The following ANAPC1 variants were observed in gnomAD, a reference collection of about 807,000 sequenced individuals.
ANAPC1 encodes anaphase-promoting complex subunit 1.
ANAPC1 carries 36 observed loss-of-function variants against 208.0 expected under a neutral mutation model. That is an observed-to-expected ratio of 0.17 (90% CI 0.13 to 0.23). The LOEUF (loss-of-function observed/expected upper bound fraction) is 0.23. ANAPC1 is among the 10% of genes least tolerant of loss of function. The probability of loss-of-function intolerance (pLI) is 1.00; values close to 1 mark genes in which losing one functional copy is unlikely to be tolerated. For missense variants in ANAPC1, 942 were observed against 2,011.6 expected (o/e 0.47, Z 10.17); for synonymous variants, 378 against 695.2 (o/e 0.54, Z 7.18).
At chr2:111,840,071 G>A (rs1307202989) in intron 17 of ANAPC1, among the ~76,000 whole-genome samples, 1 of 152,142 alleles carries the variant, frequency 6.6e-6, no homozygotes, top group Non-Finnish European at 1.5e-5. Context: ...GCCCACAGCA[G>A]GGATTCAATA....
chr2:111,838,085 C>CAAAAAAA (rs57089465), intron 18 of ANAPC1, among the ~76,000 whole-genome samples: 6 of 103,506 alleles, frequency 5.8e-5, no homozygotes, highest in Admixed American at 1.2e-4. Context: ...TACTCCGTCT[C>CAAAAAAA]AAAAAAAAAA....
At chr2:111,844,306 C>T (rs1164953395) in intron 16 of ANAPC1, among the ~76,000 whole-genome samples, 4 of 151,904 alleles carry the variant, frequency 2.6e-5, no homozygotes, top group Middle Eastern at 3.2e-3. Context: ...TGGTGACTCA[C>T]GCCTGTAATC....
chr2:111,833,436 G>C (rs1344553222), intron 19 of ANAPC1, 125 bp from the exon 20 acceptor site: 8 of 1,334,998 alleles, frequency 6.0e-6, no homozygotes, highest in African/African-American at 1.5e-5. Flanking sequence ...ACCAAATCTA[G>C]AGTCTCTCTA....
intron 3 of ANAPC1, 111 bp from the exon 4 acceptor site, chr2:111,873,775 C>A (rs549683625): frequency 2.7e-5 from 30 of 1,114,798 alleles, no homozygotes; most frequent in Non-Finnish European, 3.6e-5. Flanking sequence ...TTTGCCTCCT[C>A]AGCTCAACAT....
intron 21 of ANAPC1, among the ~76,000 whole-genome samples, chr2:111,830,134 G>A (rs558557780): frequency 8.0e-4 from 121 of 152,160 alleles, no homozygotes; most frequent in African/African-American, 2.6e-3. Context: ...GAGGAGTAAC[G>A]CTAATCAATT....
Position 111,825,043 on chromosome 2 carries a change from G to A in ANAPC1, c.2742-7C>T, listed in dbSNP as rs182214701. ...AGAATGCCTGAAACTAAACCTATAAGAGAATAAAACATAAAGTTATTAAGC... is the reference window on the plus strand; with the variant it reads ...AGAATGCCTGAAACTAAACCTATAAAAGAATAAAACATAAAGTTATTAAGC... On this transcript the variant is annotated splice_polypyrimidine_tract_variant and splice_region_variant and intron_variant, in intron 23 of 47. Coordinates refer to ENST00000341068, the MANE Select transcript of ANAPC1 (RefSeq NM_022662.4). The A allele has an allele frequency of 5.2e-4, 840 of 1,613,824 alleles. 6 individuals are homozygous for A. The African/African-American group carries it at 9.4e-3, about 18-fold the overall frequency.
intron 6 of ANAPC1, 64 bp downstream of exon 6, chr2:111,872,566 C>T (rs1682811490): frequency 7.1e-7 from 1 of 1,404,500 alleles, no homozygotes; most frequent in African/African-American, 1.4e-5. Context: ...TTAGATAAAC[C>T]TCAGAACCAA....
At chr2:111,820,157 T>C (rs1220362973) in intron 26 of ANAPC1, among the ~76,000 whole-genome samples, 2 of 152,178 alleles carry the variant, frequency 1.3e-5, no homozygotes, top group Non-Finnish European at 2.9e-5. Context: ...ATTTCAGAGA[T>C]ATTAAAAAGT....
intron 47 of ANAPC1, among the ~76,000 whole-genome samples, chr2:111,769,661 A>G (rs1022925000): frequency 1.1e-4 from 15 of 135,456 alleles, no homozygotes; most frequent in Admixed American, 4.0e-4. Context: ...GAATATCTGC[A>G]TTACACCTAC....
intron 22 of ANAPC1, among the ~76,000 whole-genome samples, chr2:111,825,491 AC>A (rs1476862511): frequency 6.6e-6 from 1 of 152,184 alleles, no homozygotes; most frequent in African/African-American, 2.4e-5. Context: ...TTGTAAGTGG[AC>A]CCACACAACT....
chr2:111,880,731 G>A lies in ANAPC1; in HGVS notation c.95C>T (p.Pro32Leu). ...PFGRDHCKHH[P>L]NALNLQLRQL... ...GCGAAGTTGAAGGTTCAAAGCATTA[G>A]GGTGGTGCTTGCAGTGGTCTCGACC... The change falls in exon 2 of 48, where the codon CCT becomes CTT. Residue 32 changes from proline to leucine, a missense_variant. Coordinates refer to ENST00000341068, the MANE Select transcript of ANAPC1 (RefSeq NM_022662.4). 1 of 1,613,908 alleles carries A rather than the reference G, an allele frequency of 6.2e-7. No individual in the cohort carries two copies. The highest frequency in any genetic ancestry group is 8.5e-7 in the Non-Finnish European group (1 of 1,179,868).
At chr2:111,796,222 C>A (rs926376755) in intron 34 of ANAPC1, among the ~76,000 whole-genome samples, 1 of 150,778 alleles carries the variant, frequency 6.6e-6, no homozygotes, top group African/African-American at 2.4e-5. Context: ...AAAACCCTGT[C>A]TCAGTCTCAA....
chr2:111,791,500 G>A (rs1677872308), intron 38 of ANAPC1, among the ~76,000 whole-genome samples: 1 of 151,826 alleles, frequency 6.6e-6, no homozygotes, highest in African/African-American at 2.4e-5. Context: ...CCCCAAACTA[G>A]AAGCAAGAAG....
chr2:111,869,253 A>ATT (rs10664612), intron 6 of ANAPC1, among the ~76,000 whole-genome samples: 22,603 of 150,422 alleles, frequency 0.15, 1,783 homozygotes, highest in Admixed American at 0.19. Flanking sequence ...CTTGTTATTT[A>ATT]TTTTTTTTTT....
chr2:111,797,735 T>C (rs1043562699), intron 34 of ANAPC1, among the ~76,000 whole-genome samples: 15 of 146,390 alleles, frequency 1.0e-4, no homozygotes, highest in African/African-American at 3.8e-4. Context: ...CAGCAACTAC[T>C]GATCTATGCA....
chr2:111,860,159 C>T lies in ANAPC1; in HGVS notation c.1263-1758G>A, dbSNP rs137940545. Among the ~76,000 whole-genome samples the T allele has an allele frequency of 4.1e-4, 62 of 151,910 alleles. 2 individuals are homozygous for T. In the East Asian group the frequency reaches 0.012, roughly 29 times the overall value. On this transcript the variant is annotated intron_variant, in intron 10 of 47. Coordinates refer to ENST00000341068, the MANE Select transcript of ANAPC1 (RefSeq NM_022662.4). ...CAAAAATTACAAAAAATTAGTCAGG[C>T]GTGGCGGTGTGTGCTTATAGTCCCA...
At chr2:111,824,591 T>C (rs1343669050) in intron 24 of ANAPC1, among the ~76,000 whole-genome samples, 1 of 152,126 alleles carries the variant, frequency 6.6e-6, no homozygotes, top group Non-Finnish European at 1.5e-5. Flanking sequence ...CCTGAAATGT[T>C]TATATTATTG....
At chr2:111,781,469 T>C (rs1417150681) in intron 43 of ANAPC1, among the ~76,000 whole-genome samples, 2 of 152,236 alleles carry the variant, frequency 1.3e-5, no homozygotes, top group Admixed American at 6.5e-5. Context: ...GGAACCATTA[T>C]AAAGGCTTGG....
intron 20 of ANAPC1, among the ~76,000 whole-genome samples, chr2:111,831,725 C>T (rs1680144454): frequency 6.7e-6 from 1 of 149,046 alleles, no homozygotes; most frequent in Admixed American, 6.8e-5. Flanking sequence ...CCCGTAGTCC[C>T]AGCTGCTTGG....
Sources: gnomAD v4.1 joint callset for allele counts (sites outside exome capture counted in the v4.1 genomes callset) on GRCh38, gnomAD v4.1.1 for gene constraint, MANE v1.5 for transcripts, NCBI Gene and HGNC (gene_info 2026-07-23, HGNC 2026-07-21) for gene names.